The following MTMR7 variants were observed in gnomAD, a reference collection of about 807,000 sequenced individuals.
The protein encoded by MTMR7 is myotubularin related protein 7, also known as phosphatidylinositol-3-phosphate phosphatase MTMR7.
In MTMR7, 76 loss-of-function variants were observed where a neutral mutation model predicts 81.2. That is an observed-to-expected ratio of 0.94 (90% confidence interval 0.78 to 1.13). MTMR7 has a LOEUF of 1.13. Among genes scored for constraint, MTMR7 ranks in the 50% most tolerant of loss-of-function variants. MTMR7 has a pLI of 0.00. For missense variants in MTMR7, 1,044 were observed against 820.0 expected (o/e 1.27, Z -3.34); for synonymous variants, 372 against 289.8 (o/e 1.28, Z -2.88).
chr8:17,334,323 T>C (rs1347422605), intron 6 of MTMR7, among the ~76,000 whole-genome samples: 1 of 152,220 alleles, frequency 6.6e-6, no homozygotes, highest in Non-Finnish European at 1.5e-5. Context: ...CGCAGTAAGA[T>C]ACGGCATCCC....
chr8:17,319,530 C>G (rs191770037), intron 7 of MTMR7, among the ~76,000 whole-genome samples: 1 of 152,218 alleles, frequency 6.6e-6, no homozygotes, highest in Non-Finnish European at 1.5e-5. Flanking sequence ...GCCACCACAT[C>G]ATGGCTACCT....
At chr8:17,357,161 C>G (rs1819919978) in intron 4 of MTMR7, among the ~76,000 whole-genome samples, 1 of 152,170 alleles carries the variant, frequency 6.6e-6, no homozygotes. Context: ...ATGAAGGAAT[C>G]AGAGCTATCA....
intron 7 of MTMR7, among the ~76,000 whole-genome samples, chr8:17,322,489 G>A (rs4601360): frequency 0.59 from 89,974 of 152,038 alleles, 28,757 homozygotes; most frequent in African/African-American, 0.83. Flanking sequence ...GGAAAAGTGA[G>A]TATTAACTGC....
intron 6 of MTMR7, among the ~76,000 whole-genome samples, chr8:17,332,229 A>G (rs1563340123): frequency 1.3e-5 from 2 of 151,548 alleles, no homozygotes; most frequent in African/African-American, 4.9e-5. Flanking sequence ...CCAGAAAAAA[A>G]TATCTGCTTT....
At chr8:17,325,801 TA>T (rs1818652692) in intron 7 of MTMR7, among the ~76,000 whole-genome samples, 1 of 152,200 alleles carries the variant, frequency 6.6e-6, no homozygotes, top group Non-Finnish European at 1.5e-5. Flanking sequence ...GTCTTTTGAA[TA>T]AAGAAATTCA....
At chr8:17,330,420 G>C (rs1184360240) in intron 7 of MTMR7, among the ~76,000 whole-genome samples, 2 of 152,232 alleles carry the variant, frequency 1.3e-5, no homozygotes, top group South Asian at 2.1e-4. Flanking sequence ...CGCAGAGCCG[G>C]AAGTGGTAGA....
At chr8:17,373,837 C>A (rs554283150) in intron 1 of MTMR7, among the ~76,000 whole-genome samples, 11 of 152,184 alleles carry the variant, frequency 7.2e-5, no homozygotes, top group Non-Finnish European at 1.3e-4. Flanking sequence ...CAGCTAAAAT[C>A]CAAACTGCTA....
intron 1 of MTMR7, among the ~76,000 whole-genome samples, chr8:17,383,038 G>A (rs1365423750): frequency 6.6e-6 from 1 of 151,692 alleles, no homozygotes; most frequent in Non-Finnish European, 1.5e-5. Context: ...GGGGGGCCGG[G>A]ATCCCAGGGC....
chr8:17,366,885 C>CAAAA (rs1277882494), intron 3 of MTMR7, among the ~76,000 whole-genome samples: 4 of 88,190 alleles, frequency 4.5e-5, no homozygotes, highest in Non-Finnish European at 6.1e-5. Context: ...GACTCCATCT[C>CAAAA]AAAAAAAAAA....
chr8:17,308,869 C>T (rs577339421), intron 10 of MTMR7, among the ~76,000 whole-genome samples: 6 of 152,296 alleles, frequency 3.9e-5, no homozygotes, highest in East Asian at 3.9e-4. Context: ...AACTGCACTC[C>T]GATACAAATG....
intron 1 of MTMR7, among the ~76,000 whole-genome samples, chr8:17,373,494 G>C (rs1190140102): frequency 1.5e-5 from 2 of 129,548 alleles, no homozygotes; most frequent in Non-Finnish European, 3.4e-5. Context: ...ATCCTATTAA[G>C]AATACCCTCT....
In MTMR7 at chr8:17,300,058, T is replaced by C. The variant is rs1817009602; in HGVS notation, c.1787A>G (p.Gln596Arg). The change falls in exon 14 of 14, where the codon CAA becomes CGA. Residue 596 changes from glutamine to arginine, a missense_variant. Transcript: ENST00000180173. ...MKSFPSRSPS[Q>R]GDEDSALILT... ...AATCAGAGCAGAATCTTCATCGCCTTGTGAAGGGCTCCGGGATGGAAATGA... is the reference window on the plus strand; with the variant it reads ...AATCAGAGCAGAATCTTCATCGCCTCGTGAAGGGCTCCGGGATGGAAATGA... 6.2e-7 allele frequency: 1 copy of C among 1,614,170 alleles called. No homozygotes were observed.
chr8:17,385,293 T>A (rs975037132), intron 1 of MTMR7, among the ~76,000 whole-genome samples: 1 of 152,000 alleles, frequency 6.6e-6, no homozygotes, highest in Admixed American at 6.6e-5. Flanking sequence ...GTACTTGATA[T>A]GGTTTGGCTG....
chr8:17,361,757 G>T (rs1232972132), intron 3 of MTMR7, among the ~76,000 whole-genome samples: 1 of 152,020 alleles, frequency 6.6e-6, no homozygotes, highest in Non-Finnish European at 1.5e-5. Context: ...TAATAAAGTT[G>T]AAAAAACTCT....
intron 6 of MTMR7, among the ~76,000 whole-genome samples, chr8:17,335,043 G>A (rs1240773279): frequency 6.6e-6 from 1 of 152,186 alleles, no homozygotes; most frequent in African/African-American, 2.4e-5. Flanking sequence ...CCAAGGAACT[G>A]AGGCTCCACC....
chr8:17,336,923 G>C (rs947537244), intron 6 of MTMR7, among the ~76,000 whole-genome samples: 1 of 152,206 alleles, frequency 6.6e-6, no homozygotes, highest in Non-Finnish European at 1.5e-5. Flanking sequence ...TGTGGGCTCT[G>C]GGGTTAGATA....
At chr8:17,312,567 T>A (rs1218562636) in intron 8 of MTMR7, among the ~76,000 whole-genome samples, 2 of 69,830 alleles carry the variant, frequency 2.9e-5, no homozygotes, top group South Asian at 6.7e-4. Flanking sequence ...AGAGCGAGAC[T>A]CCCTCTCAAA....
intron 4 of MTMR7, among the ~76,000 whole-genome samples, chr8:17,349,942 G>C (rs1819678989): frequency 6.6e-6 from 1 of 152,168 alleles, no homozygotes; most frequent in Non-Finnish European, 1.5e-5. Flanking sequence ...CTAATCTCTA[G>C]AAGTGATACT....
chr8:17,403,050 G>A (rs1821474595), intron 1 of MTMR7, among the ~76,000 whole-genome samples: 1 of 152,218 alleles, frequency 6.6e-6, no homozygotes, highest in South Asian at 2.1e-4. Flanking sequence ...GTCTTCCTTT[G>A]AGAAATGTCT....
Sources: gnomAD v4.1 joint callset for allele counts (sites outside exome capture counted in the v4.1 genomes callset) on GRCh38, gnomAD v4.1.1 for gene constraint, MANE v1.5 for transcripts, NCBI Gene and HGNC (gene_info 2026-07-23, HGNC 2026-07-21) for gene names.